Variants in NEBL observed in about 807,000 individuals in gnomAD.
NEBL encodes the protein LIM and SH3 protein 2.
In NEBL, 122 loss-of-function variants were observed where a neutral mutation model predicts 140.2. The observed-to-expected ratio is 0.87, with a 90% CI of 0.75 to 1.01. The LOEUF (loss-of-function observed/expected upper bound fraction) is 1.01. Among genes scored for constraint, NEBL ranks in the 50% least tolerant of loss-of-function variants. NEBL has a pLI of 0.00. For missense variants in NEBL, 1,365 were observed against 1,231.3 expected (o/e 1.11, Z -1.62); for synonymous variants, 436 against 398.9 (o/e 1.09, Z -1.11).
chr10:21,169,347 A>G (rs1210761393), intron 2 of NEBL, among the ~76,000 whole-genome samples: 1 of 152,040 alleles, frequency 6.6e-6, no homozygotes, highest in African/African-American at 2.4e-5. Flanking sequence ...CATTACATGG[A>G]AAGCAAATGT....
chr10:20,813,042 T>C, intron 23 of NEBL, 102 bp from the exon 24 acceptor site: 2 of 947,700 alleles, frequency 2.1e-6, no homozygotes, highest in South Asian at 2.7e-5. Context: ...TGCGTGCAGA[T>C]TGTCTACATG....
At chr10:21,169,061 A>AGT (rs1192477617) in intron 2 of NEBL, among the ~76,000 whole-genome samples, 1 of 41,728 alleles carries the variant, frequency 2.4e-5, no homozygotes. Context: ...AAAAAAAAAA[A>AGT]AAAAAAATAT....
At chr10:21,121,357 T>G (rs1838565806) in intron 2 of NEBL, among the ~76,000 whole-genome samples, 1 of 152,160 alleles carries the variant, frequency 6.6e-6, no homozygotes, top group Non-Finnish European at 1.5e-5. Flanking sequence ...AGTCCCTACC[T>G]CTTGAGTTCC....
intron 2 of NEBL, among the ~76,000 whole-genome samples, chr10:21,051,701 G>A (rs1589177259): frequency 7.8e-6 from 1 of 128,630 alleles, no homozygotes; most frequent in South Asian, 2.1e-4. Context: ...ATTCCCCAGT[G>A]AAAAGACACA....
In NEBL at chr10:21,244,846, T is replaced by TA. The variant is rs201440684; in HGVS notation, n.348+3074dup. On this transcript the variant is annotated intron_variant and non_coding_transcript_variant, in intron 3 of 8. Coordinates refer to the NEBL transcript ENST00000675702. Reference sequence around the variant, plus strand: ...AGCAACACAGTGAGACCCTCACCTCTAAAAAATAAAAGTAAAAATTAAAAG... The same window carrying TA: ...AGCAACACAGTGAGACCCTCACCTCTAAAAAAATAAAAGTAAAAATTAAAAG... Among the ~76,000 whole-genome samples, 768 of 151,346 alleles carry TA rather than the reference T, an allele frequency of 5.1e-3. 7 individuals are homozygous for TA. The highest frequency in any genetic ancestry group is 0.017 in the African/African-American group (701 of 41,188).
chr10:20,800,262 T>A (rs941340798), intron 26 of NEBL, among the ~76,000 whole-genome samples: 2 of 152,138 alleles, frequency 1.3e-5, no homozygotes, highest in African/African-American at 4.8e-5. Context: ...CTTAGTATAA[T>A]GTCCTCTAGT....
intron 1 of NEBL, among the ~76,000 whole-genome samples, chr10:21,252,781 C>A (rs189112290): frequency 1.2e-3 from 182 of 152,244 alleles, no homozygotes; most frequent in African/African-American, 4.2e-3. Context: ...CATAGAGAAA[C>A]CCTGTCTCTA....
intron 26 of NEBL, among the ~76,000 whole-genome samples, chr10:20,806,705 G>C: frequency 6.6e-6 from 1 of 152,322 alleles, no homozygotes; most frequent in Admixed American, 6.5e-5. Context: ...TTTGCTCACT[G>C]CTGTGTGCAT....
chr10:21,065,953 T>G (rs542925369), intron 2 of NEBL, among the ~76,000 whole-genome samples: 1 of 152,208 alleles, frequency 6.6e-6, no homozygotes, highest in Non-Finnish European at 1.5e-5. Context: ...GCTGCACACC[T>G]CTCTTCAACC....
At chr10:21,225,677 T>C (rs566939843) in intron 3 of NEBL, among the ~76,000 whole-genome samples, 13 of 152,280 alleles carry the variant, frequency 8.5e-5, no homozygotes, top group African/African-American at 2.9e-4. Flanking sequence ...CCCAGGTTCA[T>C]GGCAAGTACT....
intron 2 of NEBL, among the ~76,000 whole-genome samples, chr10:21,088,355 C>G (rs997251428): frequency 3.9e-5 from 6 of 152,098 alleles, no homozygotes; most frequent in African/African-American, 1.4e-4. Flanking sequence ...TTTTAATTAT[C>G]TGGGTGTTGT....
At chr10:20,967,234 A>G (rs1437397451) in intron 3 of NEBL, among the ~76,000 whole-genome samples, 1 of 152,250 alleles carries the variant, frequency 6.6e-6, no homozygotes, top group East Asian at 1.9e-4. Context: ...GAGAATGAAT[A>G]AATCCAATGT....
At chr10:20,795,073 A>G (rs1382565310) in intron 26 of NEBL, among the ~76,000 whole-genome samples, 2 of 152,184 alleles carry the variant, frequency 1.3e-5, no homozygotes, top group African/African-American at 2.4e-5. Flanking sequence ...AGAAGAAATG[A>G]CAAAACAGTG....
rs1466876424 is a variant in NEBL, at chr10:20,780,550, C to G, written c.*5197G>C. On this transcript the variant is annotated 3_prime_UTR_variant, in exon 28 of 28. Coordinates refer to ENST00000377122, the MANE Select transcript of NEBL (RefSeq NM_006393.3). ...TGATGTGAGTTGTCATGTTAAATCT[C>G]AGACCCGGGGTATTATTAGGGTGCA... 1 of 152,186 alleles carries G rather than the reference C, an allele frequency of 6.6e-6. No individual in the cohort carries two copies. The highest frequency in any genetic ancestry group is 2.4e-5 in the African/African-American group (1 of 41,450). The allele number at this position is 152,186 out of a possible 1,614,324, so 9.4% of individuals were successfully genotyped here. A position where few individuals can be genotyped will look rare whatever the true frequency, so the allele number is the denominator to read the frequency against.
At chr10:20,810,529 A>T (rs1036644532) in intron 24 of NEBL, among the ~76,000 whole-genome samples, 6 of 152,236 alleles carry the variant, frequency 3.9e-5, no homozygotes, top group African/African-American at 1.4e-4. Context: ...AGCAAGGCAC[A>T]CAGCAAGGAA....
At chr10:21,176,161 C>G (rs1003264805), upstream of NEBL, among the ~76,000 whole-genome samples, 2 of 152,030 alleles carry the variant, frequency 1.3e-5, no homozygotes, top group African/African-American at 4.8e-5. Flanking sequence ...TGCCACTATG[C>G]CCTGCTAATT....
intron 16 of NEBL, 119 bp from the exon 17 acceptor site, chr10:20,828,753 G>T: frequency 1.5e-6 from 1 of 687,894 alleles, no homozygotes; most frequent in South Asian, 1.6e-5. Flanking sequence ...TGTTTTTACT[G>T]ACTTACACTC....
chr10:21,128,250 A>G (rs544344755), intron 2 of NEBL, among the ~76,000 whole-genome samples: 3 of 152,326 alleles, frequency 2.0e-5, no homozygotes, highest in East Asian at 3.9e-4. Flanking sequence ...AAGACCATAG[A>G]CATTTTCTTC....
intron 3 of NEBL, among the ~76,000 whole-genome samples, chr10:21,003,059 G>C (rs1441045131): frequency 6.8e-6 from 1 of 146,416 alleles, no homozygotes; most frequent in Non-Finnish European, 1.5e-5. Context: ...TCTCCAAAAG[G>C]AGCTCTAAGT....
Sources: allele counts gnomAD v4.1 joint callset (sites outside exome capture counted in the v4.1 genomes callset), GRCh38; gene constraint gnomAD v4.1.1; transcripts MANE v1.5; gene names NCBI Gene and HGNC (gene_info 2026-07-23, HGNC 2026-07-21).